The following MAP3K5 variants were observed in gnomAD, a reference collection of about 807,000 sequenced individuals.
The protein encoded by MAP3K5 is ASK-1.
In MAP3K5, 56 loss-of-function variants were observed where a neutral mutation model predicts 158.7. The ratio of observed to expected loss-of-function variants is 0.35; its 90% CI spans 0.28 to 0.44. MAP3K5 has a LOEUF of 0.44. MAP3K5 is among the 20% of genes least tolerant of loss of function. The pLI, the probability that MAP3K5 is intolerant of heterozygous loss-of-function variation, is 1.00. For synonymous variants in MAP3K5, 579 were observed against 601.7 expected (o/e 0.96, Z 0.55); for missense variants, 1,294 against 1,674.8 (o/e 0.77, Z 3.97).
rs1444643848 is a variant in MAP3K5, at chr6:136,601,030, C to T, written c.2870G>A (p.Gly957Glu). The change falls in exon 21 of 30, where the codon GGA becomes GAA. Residue 957 changes from glycine to glutamate, a missense_variant. Around this residue, in one of 5 missense-constraint regions of MAP3K5, gnomAD observed 362 missense variants for 463.2 expected, o/e 0.78. Coordinates refer to ENST00000359015, the MANE Select transcript of MAP3K5 (RefSeq NM_005923.4). ...TQPKLSALSA[G>E]SNEYLRSISL... is the part of the protein sequence containing the mutation. ...AGTAAAAACAAACTCACCATTTGAT[C>T]CAGCTGAAAGAGCTGTGGAAAGAAA... 1 of 1,613,820 alleles carries T rather than the reference C, an allele frequency of 6.2e-7. No individual in the cohort carries two copies. The highest frequency in any genetic ancestry group is 1.1e-5 in the South Asian group (1 of 91,062).
In MAP3K5 at chr6:136,582,263, C is replaced by CGTGTGTGTGT. The variant is rs61451347; in HGVS notation, c.3411+1282_3411+1291dup. The stretch of plus-strand genomic sequence containing the variant: ...GTGTATGTGTACACGTGTGTGTATA[C>CGTGTGTGTGT]GTGTGTGTGTGTGTGTGTGTGTGTG... On this transcript the variant is annotated intron_variant, in intron 24 of 29. Transcript: ENST00000359015. Among the ~76,000 whole-genome samples, 35 of 138,126 alleles carry CGTGTGTGTGT rather than the reference C, an allele frequency of 2.5e-4. 1 individual carries two copies. The highest frequency in any genetic ancestry group is 8.6e-4 in the African/African-American group (32 of 37,326). 90.6% of individuals were successfully genotyped at this position (138,126 alleles called of 152,430 possible). A position where few individuals can be genotyped will look rare whatever the true frequency, so the allele number is the denominator to read the frequency against.
In MAP3K5 at chr6:136,688,218, A is replaced by G. The variant is rs567013109; in HGVS notation, c.1253+5922T>C. Among the ~76,000 whole-genome samples, 5 of 152,298 alleles carry G rather than the reference A, an allele frequency of 3.3e-5. No individual in the cohort carries two copies. The East Asian group carries it at 9.6e-4, about 29-fold the overall frequency. ...CTCACTCATAAGTGGGTGTTGAACAATGAGAACACATGGACACAGGGAGGG... is the reference window on the plus strand; with the variant it reads ...CTCACTCATAAGTGGGTGTTGAACAGTGAGAACACATGGACACAGGGAGGG... On this transcript the variant is annotated intron_variant, in intron 7 of 29. Coordinates refer to ENST00000359015, the MANE Select transcript of MAP3K5 (RefSeq NM_005923.4).
chr6:136,677,268 G>C (rs1159773881), intron 7 of MAP3K5, among the ~76,000 whole-genome samples: 21 of 150,160 alleles, frequency 1.4e-4, no homozygotes, highest in African/African-American at 4.4e-4. Flanking sequence ...CTCCCAAGTA[G>C]CTGGGACTAC....
chr6:136,558,627 G>A (rs1830361052), intron 29 of MAP3K5, among the ~76,000 whole-genome samples, 173 bp downstream of exon 29: 1 of 152,058 alleles, frequency 6.6e-6, no homozygotes, highest in South Asian at 2.1e-4. Context: ...GGTTATTAGA[G>A]CCCTCAAAAA....
At chr6:136,676,620 T>C (rs1373945314) in intron 7 of MAP3K5, among the ~76,000 whole-genome samples, 4 of 152,126 alleles carry the variant, frequency 2.6e-5, no homozygotes, top group African/African-American at 9.7e-5. Flanking sequence ...TAACTTCCTC[T>C]GAAGAATTGG....
intron 9 of MAP3K5, among the ~76,000 whole-genome samples, chr6:136,658,010 G>T (rs1277745970): frequency 1.3e-5 from 2 of 152,214 alleles, no homozygotes; most frequent in South Asian, 4.1e-4. Flanking sequence ...GAAGTGTCAG[G>T]TGTGCACTTT....
intron 10 of MAP3K5, among the ~76,000 whole-genome samples, chr6:136,655,709 T>A (rs1205348853): frequency 1.7e-4 from 3 of 18,168 alleles, no homozygotes; most frequent in African/African-American, 8.6e-4. Context: ...TTTTTTAAAG[T>A]GTGTGTGTGT....
At chr6:136,685,945 T>C (rs1274924351) in intron 7 of MAP3K5, among the ~76,000 whole-genome samples, 2 of 151,906 alleles carry the variant, frequency 1.3e-5, no homozygotes, top group Non-Finnish European at 1.5e-5. Context: ...GAAAGGGAGG[T>C]TGGGGACAAG....
In MAP3K5 at chr6:136,670,240, CAAGGT is replaced by C. The variant is rs570156981; in HGVS notation, c.1254-850_1254-846del. Among the ~76,000 whole-genome samples, 608 of 152,064 alleles carry C rather than the reference CAAGGT, an allele frequency of 4.0e-3. 2 individuals carry two copies. The highest frequency in any genetic ancestry group is 0.034 in the Middle Eastern group (10 of 294). ...AGTGTTTGAATATTTACTTTATTTTCAAGGTAATACTTCCTAGGATACTTTTAAGG... is the reference window on the plus strand; with the variant it reads ...AGTGTTTGAATATTTACTTTATTTTCAATACTTCCTAGGATACTTTTAAGG... On this transcript the variant is annotated intron_variant, in intron 7 of 29. Coordinates refer to ENST00000359015, the MANE Select transcript of MAP3K5 (RefSeq NM_005923.4).
At chr6:136,789,322 A>T (rs939729419) in intron 1 of MAP3K5, among the ~76,000 whole-genome samples, 3 of 152,088 alleles carry the variant, frequency 2.0e-5, no homozygotes, top group African/African-American at 7.2e-5. Flanking sequence ...AAACAAATAA[A>T]ATAAAATAGA....
intron 1 of MAP3K5, among the ~76,000 whole-genome samples, chr6:136,773,262 G>A (rs1784282060): frequency 6.6e-6 from 1 of 152,152 alleles, no homozygotes; most frequent in African/African-American, 2.4e-5. Flanking sequence ...TACCTTGGGA[G>A]TAGCCTGCAC....
At position 136,711,644 on chromosome 6, in the gene MAP3K5, T is replaced by G. The variant is rs1194607797; in HGVS notation, c.589-6511A>C. 2.0e-5 allele frequency among the ~76,000 whole-genome samples: 3 copies of G among 150,032 alleles called. No homozygotes were observed. The East Asian group carries it at 5.9e-4, about 29-fold the overall frequency. ...TGGCACTACTGCACCCCAGGCTGGG[T>G]GGACAAAGTCAGACCTCTCAAAAAA... On this transcript the variant is annotated intron_variant, in intron 2 of 29. Coordinates refer to ENST00000359015, the MANE Select transcript of MAP3K5 (RefSeq NM_005923.4).
At chr6:136,590,627 G>A (rs543663521) in intron 23 of MAP3K5, among the ~76,000 whole-genome samples, 4 of 151,004 alleles carry the variant, frequency 2.6e-5, no homozygotes, top group African/African-American at 4.9e-5. Context: ...TGCAAGCTCC[G>A]CCTCCAGGGT....
intron 23 of MAP3K5, among the ~76,000 whole-genome samples, chr6:136,591,745 G>T (rs1309242858): frequency 1.3e-5 from 2 of 152,148 alleles, no homozygotes; most frequent in African/African-American, 2.4e-5. Context: ...CAAGCTCAGG[G>T]GTTCTGTTGT....
intron 1 of MAP3K5, among the ~76,000 whole-genome samples, chr6:136,747,685 C>T (rs540921150): frequency 1.3e-5 from 2 of 152,266 alleles, no homozygotes; most frequent in South Asian, 4.1e-4. Flanking sequence ...TTAATGTGTA[C>T]ATGAATCACC....
intron 6 of MAP3K5, 64 bp from the exon 7 acceptor site, chr6:136,694,374 T>TA (rs1216878920): frequency 7.6e-7 from 1 of 1,315,512 alleles, no homozygotes; most frequent in Non-Finnish European, 1.0e-6. Flanking sequence ...AATTCTTTTT[T>TA]AAAAACCCTA....
chr6:136,771,583 G>A (rs1405204519), intron 1 of MAP3K5, among the ~76,000 whole-genome samples: 1 of 152,190 alleles, frequency 6.6e-6, no homozygotes, highest in Non-Finnish European at 1.5e-5. Context: ...GCAATTAAAA[G>A]TAGGTATAAA....
intron 10 of MAP3K5, among the ~76,000 whole-genome samples, chr6:136,655,707 AGTGTGTGTGTGTGT>A (rs61536898): frequency 5.3e-5 from 8 of 149,888 alleles, no homozygotes; most frequent in Admixed American, 2.0e-4. Flanking sequence ...ATTTTTTTAA[AGTGTGTGTGTGTGT>A]GTGTGTGTGT....
chr6:136,568,382 G>A (rs931127712), intron 25 of MAP3K5, among the ~76,000 whole-genome samples: 10 of 152,140 alleles, frequency 6.6e-5, no homozygotes, highest in Admixed American at 6.5e-5. Context: ...GGGGATACAG[G>A]GCAGGTGCTG....
Sources: allele counts gnomAD v4.1 joint callset (sites outside exome capture counted in the v4.1 genomes callset), GRCh38; gene constraint gnomAD v4.1.1; regional missense constraint gnomAD v4.1.1; transcripts MANE v1.5; gene names NCBI Gene and HGNC (gene_info 2026-07-23, HGNC 2026-07-21).